Variants in ENPP6 observed in about 807,000 individuals in gnomAD.
ENPP6 encodes the protein ectonucleotide pyrophosphatase/phosphodiesterase 6, also known as glycerophosphocholine cholinephosphodiesterase ENPP6.
Under a neutral mutation model 42.0 loss-of-function variants are expected in ENPP6, and 32 were observed. The observed-to-expected ratio is 0.76, with a 90% confidence interval of 0.58 to 1.02. The LOEUF (loss-of-function observed/expected upper bound fraction) is 1.02. Among genes scored for constraint, ENPP6 ranks in the 50% least tolerant of loss-of-function variants. ENPP6 has a pLI of 0.00. For missense variants in ENPP6, 552 were observed against 566.8 expected (o/e 0.97, Z 0.27); for synonymous variants, 213 against 216.0 (o/e 0.99, Z 0.12).
At chr4:184,178,892 GA>G (rs1427069206) in intron 1 of ENPP6, among the ~76,000 whole-genome samples, 2 of 152,090 alleles carry the variant, frequency 1.3e-5, no homozygotes, top group East Asian at 3.8e-4. Context: ...ATATGGAAAG[GA>G]AAAACCATTA....
chr4:184,201,845 C>T (rs1579663452), intron 1 of ENPP6, among the ~76,000 whole-genome samples: 2 of 151,934 alleles, frequency 1.3e-5, no homozygotes, highest in South Asian at 2.1e-4. Context: ...GCAGCTTAAT[C>T]GAGGCTCATT....
chr4:184,097,327 C>T lies in ENPP6; in HGVS notation c.1035G>A (p.Arg345=), dbSNP rs1444972097. The T allele has an allele frequency of 6.2e-7, 1 of 1,614,204 alleles. No individual in the cohort carries two copies. Among genetic ancestry groups the T allele is most frequent in the Non-Finnish European group, 8.5e-7 (1 of 1,180,034 alleles). Residue 345 remains arginine, a synonymous_variant, in exon 7 of 8, where the codon AGG becomes AGA. Transcript: ENST00000296741. ...MLPFWMNSTG[R]REGWQRGWHG... Reference sequence around the variant, plus strand: ...GCCATCCACGCTGCCAACCTTCCCGCCTGCCGGTGCTGTTCATCCAAAACG... The same window carrying T: ...GCCATCCACGCTGCCAACCTTCCCGTCTGCCGGTGCTGTTCATCCAAAACG...
At chr4:184,129,930 CT>C (rs5864875) in intron 2 of ENPP6, among the ~76,000 whole-genome samples, 103,483 of 151,946 alleles carry the variant, frequency 0.68, 35,562 homozygotes, top group African/African-American at 0.74. Context: ...GTTTGGCAGA[CT>C]TTTTTTGGTT....
intron 1 of ENPP6, chr4:184,217,038 T>C (rs1156701953): frequency 1.3e-5 from 2 of 152,064 alleles, no homozygotes; most frequent in Non-Finnish European, 2.9e-5. Context: ...GAAGGTGGCA[T>C]TGCTAAGTCA....
intron 2 of ENPP6, among the ~76,000 whole-genome samples, chr4:184,146,478 G>C (rs1340388040): frequency 6.6e-6 from 1 of 151,768 alleles, no homozygotes; most frequent in Non-Finnish European, 1.5e-5. Flanking sequence ...GAAACAACCT[G>C]AATTGTTTTT....
intron 1 of ENPP6, among the ~76,000 whole-genome samples, chr4:184,215,075 C>A (rs1001456560): frequency 6.6e-6 from 1 of 152,200 alleles, no homozygotes; most frequent in African/African-American, 2.4e-5. Context: ...CGGCCTGATG[C>A]AGCCCCGGCA....
chr4:184,145,576 G>A (rs1736904840), intron 2 of ENPP6, among the ~76,000 whole-genome samples: 1 of 152,226 alleles, frequency 6.6e-6, no homozygotes, highest in African/African-American at 2.4e-5. Context: ...GCTCCTCGGT[G>A]GCAGGGCTGT....
chr4:184,181,393 C>T (rs1035652376), intron 1 of ENPP6, among the ~76,000 whole-genome samples: 2 of 152,192 alleles, frequency 1.3e-5, no homozygotes, highest in African/African-American at 4.8e-5. Flanking sequence ...CTTCCATGCT[C>T]ATGGATAGGA....
chr4:184,193,097 A>G (rs908678629), intron 1 of ENPP6, among the ~76,000 whole-genome samples: 1 of 152,244 alleles, frequency 6.6e-6, no homozygotes, highest in Non-Finnish European at 1.5e-5. Context: ...AATGTTAAAC[A>G]CAGAATTATC....
chr4:184,112,833 C>T, intron 5 of ENPP6, 24 bp from the exon 6 acceptor site: 1 of 1,605,696 alleles, frequency 6.2e-7, no homozygotes. Flanking sequence ...CAAGAGTGAT[C>T]AGTTTGACAC....
chr4:184,120,971 C>A (rs984874154), intron 3 of ENPP6, among the ~76,000 whole-genome samples: 1 of 152,158 alleles, frequency 6.6e-6, no homozygotes, highest in Non-Finnish European at 1.5e-5. Flanking sequence ...AGCCCTAAGC[C>A]GCTGTGGAAA....
At chr4:184,154,993 G>A (rs1737134361) in intron 1 of ENPP6, among the ~76,000 whole-genome samples, 1 of 152,108 alleles carries the variant, frequency 6.6e-6, no homozygotes, top group African/African-American at 2.4e-5. Context: ...CTGAATAAAT[G>A]TCATGCCCAT....
intron 1 of ENPP6, among the ~76,000 whole-genome samples, chr4:184,208,361 G>C (rs1733036609): frequency 6.6e-6 from 1 of 152,122 alleles, no homozygotes. Flanking sequence ...CCAGACAGTG[G>C]GCGCAGGTCA....
At chr4:184,111,974 C>T (rs1672639068) in intron 6 of ENPP6, among the ~76,000 whole-genome samples, 2 of 152,212 alleles carry the variant, frequency 1.3e-5, no homozygotes, top group South Asian at 2.1e-4. Context: ...TTTTGTCATA[C>T]TGCAATTACT....
intron 2 of ENPP6, among the ~76,000 whole-genome samples, chr4:184,137,317 G>A (rs1736744723): frequency 6.6e-6 from 1 of 152,110 alleles, no homozygotes; most frequent in Admixed American, 6.5e-5. Context: ...GATTGGTCTC[G>A]AACACCTTAC....
At chr4:184,191,206 C>A (rs1423603966) in intron 1 of ENPP6, among the ~76,000 whole-genome samples, 1 of 152,228 alleles carries the variant, frequency 6.6e-6, no homozygotes, top group Non-Finnish European at 1.5e-5. Context: ...ATTTTGTACT[C>A]ATAGTTCTTC....
chr4:184,131,189 C>G (rs1275149353), intron 2 of ENPP6, among the ~76,000 whole-genome samples: 2 of 66,580 alleles, frequency 3.0e-5, no homozygotes, highest in African/African-American at 1.3e-4. Context: ...TTCTTTCTTT[C>G]TTTCTTTCTT....
intron 1 of ENPP6, among the ~76,000 whole-genome samples, chr4:184,167,481 A>C (rs1195804420): frequency 6.6e-6 from 1 of 152,226 alleles, no homozygotes. Flanking sequence ...TCAACTTTTA[A>C]TGCCGGGAAT....
intron 6 of ENPP6, among the ~76,000 whole-genome samples, chr4:184,102,381 ATGGGCAAGG>A (rs1192927534): frequency 1.3e-5 from 2 of 152,236 alleles, no homozygotes; most frequent in African/African-American, 4.8e-5. Context: ...GCCGCTTCAC[ATGGGCAAGG>A]TGTGGCTTTG....
Sources: gnomAD v4.1 joint callset for allele counts (sites outside exome capture counted in the v4.1 genomes callset) on GRCh38, gnomAD v4.1.1 for gene constraint, MANE v1.5 for transcripts, NCBI Gene and HGNC (gene_info 2026-07-23, HGNC 2026-07-21) for gene names.